The following THOC2 variants were observed in gnomAD, a reference collection of about 807,000 sequenced individuals.
THOC2 encodes the protein THO complex 2.
THOC2 carries 10 observed loss-of-function variants against 128.4 expected under a neutral mutation model. The observed-to-expected ratio is 0.08, with a 90% CI of 0.05 to 0.13. The LOEUF (loss-of-function observed/expected upper bound fraction) is 0.13. THOC2 is among the 10% of genes least tolerant of loss of function. THOC2 has a pLI of 1.00. For synonymous variants in THOC2, 393 were observed against 396.9 expected, an observed-to-expected ratio of 0.99 and a Z score of 0.12; for missense variants, 535 against 1,155.7, an observed-to-expected ratio of 0.46 and a Z score of 7.79.
chrX:123,710,183 A>C (rs1356945937), intron 2 of THOC2, among the ~76,000 whole-genome samples: 1 of 112,210 alleles, frequency 8.9e-6, no homozygotes, highest in Non-Finnish European at 1.9e-5. Context: ...ATATGTGTTA[A>C]GGAAGCAGGC....
chrX:123,605,080 GCAAA>G (rs1174194139), intron 38 of THOC2, among the ~76,000 whole-genome samples: 1 of 111,974 alleles, frequency 8.9e-6, no homozygotes, highest in Admixed American at 9.5e-5. Context: ...ATTCTTTATA[GCAAA>G]CAGAGTTCCT....
At chrX:123,654,630 G>A (rs768011928) in intron 12 of THOC2, among the ~76,000 whole-genome samples, 17 of 105,644 alleles carry the variant, frequency 1.6e-4, no homozygotes, top group African/African-American at 5.5e-4. Flanking sequence ...TGGTGGGCGC[G>A]CACCTGTAAT....
At chrX:123,662,352 C>T (rs1037883458) in intron 12 of THOC2, among the ~76,000 whole-genome samples, 17 of 110,260 alleles carry the variant, frequency 1.5e-4, no homozygotes, top group Non-Finnish European at 1.9e-4. Flanking sequence ...TTTGGGAGAC[C>T]GAGGTGGGCA....
chrX:123,714,242 T>C (rs922804043), intron 1 of THOC2, among the ~76,000 whole-genome samples: 2 of 112,181 alleles, frequency 1.8e-5, no homozygotes, highest in African/African-American at 3.2e-5. Context: ...ACAAAGTATC[T>C]AAATTGATCT....
chrX:123,626,251 T>C (rs2047267103), intron 24 of THOC2, among the ~76,000 whole-genome samples, 182 bp from the exon 25 acceptor site: 1 of 111,712 alleles, frequency 9.0e-6, no homozygotes, highest in Admixed American at 9.5e-5. Context: ...GACCTTTTTT[T>C]CTATGATTTC....
chrX:123,725,718 C>T (rs1400027693), intron 1 of THOC2, among the ~76,000 whole-genome samples: 1 of 110,226 alleles, frequency 9.1e-6, no homozygotes, highest in Non-Finnish European at 1.9e-5. Context: ...AATCAATCTT[C>T]CTTCCACCAG....
intron 1 of THOC2, among the ~76,000 whole-genome samples, chrX:123,725,263 T>C (rs1271308756): frequency 9.1e-6 from 1 of 109,818 alleles, no homozygotes; most frequent in East Asian, 2.9e-4. Flanking sequence ...TTCTAATGGG[T>C]TGAGAAGAGA....
At chrX:123,714,206 G>T (rs1189546295) in intron 1 of THOC2, among the ~76,000 whole-genome samples, 1 of 112,392 alleles carries the variant, frequency 8.9e-6, no homozygotes, top group Non-Finnish European at 1.9e-5. Flanking sequence ...TACCTTAAAT[G>T]TAACATCTAA....
intron 1 of THOC2, among the ~76,000 whole-genome samples, chrX:123,728,597 GAATGATTAT>G (rs1187882134): frequency 9.0e-6 from 1 of 111,280 alleles, no homozygotes; most frequent in Non-Finnish European, 1.9e-5. Context: ...AAATTTCTTA[GAATGATTAT>G]ATCCCTTTAC....
chrX:123,619,636 G>A, intron 32 of THOC2, 200 bp from the exon 33 acceptor site: 1 of 383,442 alleles, frequency 2.6e-6, no homozygotes, highest in Non-Finnish European at 4.6e-6. Context: ...TAAATTAAAT[G>A]TACTCAATGT....
chrX:123,697,725 T>C lies in THOC2; in HGVS notation c.301A>G (p.Lys101Glu). 4.6e-6 allele frequency: 5 copies of C among 1,096,155 alleles called. No homozygotes were observed. Among genetic ancestry groups the C allele is most frequent in the Non-Finnish European group, 4.9e-6 (4 of 809,024 alleles). The allele number at this position is 1,096,155 out of a possible 1,213,427, so 90.3% of individuals were successfully genotyped here. The change falls in exon 5 of 39, where the codon AAA becomes GAA. Residue 101 changes from lysine to glutamate, a missense_variant. Transcript: ENST00000245838. ...TGTGTAAAATAGTCTCTCTTGCTTT[T>C]TTCTTCTAAACAATTTGTCTCAATG... The part of the protein sequence containing the change: ...LDIETNCLEE[K>E]SKRDYFTQLV...
chrX:123,682,366 C>T (rs931417030), intron 8 of THOC2, among the ~76,000 whole-genome samples: 4 of 111,712 alleles, frequency 3.6e-5, no homozygotes, highest in Non-Finnish European at 7.5e-5. Flanking sequence ...TGCACTGGCT[C>T]TGTGATCTCA....
intron 12 of THOC2, among the ~76,000 whole-genome samples, chrX:123,662,459 G>A (rs1273898964): frequency 9.2e-6 from 1 of 108,491 alleles, no homozygotes; most frequent in Non-Finnish European, 1.9e-5. Context: ...GTGGTGGTGG[G>A]CGCCTGTAGT....
chrX:123,707,197 G>A (rs780497083), intron 2 of THOC2, among the ~76,000 whole-genome samples: 1 of 111,176 alleles, frequency 9.0e-6, no homozygotes, highest in South Asian at 3.8e-4. Flanking sequence ...TTTTCTGTAT[G>A]TCTACAGATT....
chrX:123,655,743 A>T (rs1444674987), intron 12 of THOC2, among the ~76,000 whole-genome samples: 4 of 111,111 alleles, frequency 3.6e-5, no homozygotes, highest in African/African-American at 1.3e-4. Context: ...TTCAGGTTTT[A>T]CTAAGCTTTA....
At chrX:123,617,927 T>C (rs1158699322) in intron 33 of THOC2, among the ~76,000 whole-genome samples, 1 of 111,673 alleles carries the variant, frequency 9.0e-6, no homozygotes, top group Non-Finnish European at 1.9e-5. Flanking sequence ...AATAAAAAGT[T>C]TACATTAAAT....
intron 18 of THOC2, among the ~76,000 whole-genome samples, chrX:123,637,048 T>C (rs1028176321): frequency 1.8e-5 from 2 of 110,515 alleles, no homozygotes; most frequent in Non-Finnish European, 3.8e-5. Flanking sequence ...GAACATGGAG[T>C]GGGCCATGAA....
chrX:123,682,466 A>C (rs1239466216), intron 8 of THOC2, among the ~76,000 whole-genome samples: 1 of 111,788 alleles, frequency 8.9e-6, no homozygotes. Flanking sequence ...TCAACACATC[A>C]GGCATGCTCA....
chrX:123,621,560 T>G lies in THOC2; in HGVS notation c.3813A>C (p.Lys1271Asn). 2 of 1,155,902 alleles carry G rather than the reference T, an allele frequency of 1.7e-6. No homozygotes were observed. The highest frequency in any genetic ancestry group is 2.3e-6 in the Non-Finnish European group (2 of 867,972). The change falls in exon 31 of 39, where the codon AAA becomes AAC. Residue 1271 changes from lysine to asparagine, a missense_variant. Coordinates refer to ENST00000245838, the MANE Select transcript of THOC2 (RefSeq NM_001081550.2). ...CTTTTTCTTTCTCTTTCCCTTTTTC[T>G]TTGTCATTTTCTTTAACAGCTTTGT... is the stretch of plus-strand genomic sequence containing the variant. ...NSNKAVKEND[K>N]EKGKEKEKEK...
Sources: gnomAD v4.1 joint callset for allele counts (sites outside exome capture counted in the v4.1 genomes callset) on GRCh38, gnomAD v4.1.1 for gene constraint, MANE v1.5 for transcripts, NCBI Gene and HGNC (gene_info 2026-07-23, HGNC 2026-07-21) for gene names.